The following RABGAP1L variants were observed in gnomAD, a reference collection of about 807,000 sequenced individuals.
The protein encoded by RABGAP1L is RAB GTPase activating protein 1 like, also known as rab GTPase-activating protein 1-like.
In RABGAP1L, 63 loss-of-function variants were observed where a neutral mutation model predicts 137.7. The ratio of observed to expected loss-of-function variants is 0.46; its 90% CI spans 0.37 to 0.56. The LOEUF (loss-of-function observed/expected upper bound fraction) is 0.56. Among genes scored for constraint, RABGAP1L ranks in the 20% least tolerant of loss-of-function variants. The pLI is 0.00. For missense variants in RABGAP1L, 1,095 were observed against 1,244.0 expected (o/e 0.88, Z 1.80); for synonymous variants, 431 against 433.7 (o/e 0.99, Z 0.08).
chr1:174,517,700 GT>G (rs1327847248), intron 13 of RABGAP1L, among the ~76,000 whole-genome samples: 1 of 152,120 alleles, frequency 6.6e-6, no homozygotes, highest in Non-Finnish European at 1.5e-5. Flanking sequence ...CAGTACATCT[GT>G]TTCTTTCACT....
chr1:174,510,188 A>G (rs1462601255), intron 13 of RABGAP1L, among the ~76,000 whole-genome samples: 2 of 152,138 alleles, frequency 1.3e-5, no homozygotes, highest in Admixed American at 1.3e-4. Context: ...CTCCTTTTGC[A>G]TATATGCCAT....
chr1:174,203,545 CCTTCAG>C (rs1452787169), intron 1 of RABGAP1L, among the ~76,000 whole-genome samples: 1 of 152,092 alleles, frequency 6.6e-6, no homozygotes, highest in Non-Finnish European at 1.5e-5. Flanking sequence ...TAACATGGTG[CCTTCAG>C]CTTTGTTATT....
At chr1:174,833,400 GTA>G (rs1291378197) in intron 19 of RABGAP1L, among the ~76,000 whole-genome samples, 1,165 of 43,248 alleles carry the variant, frequency 0.027, 28 homozygotes, top group African/African-American at 0.04. Context: ...GTGTGTGTGT[GTA>G]TGTGTGTATG....
intron 13 of RABGAP1L, chr1:174,449,324 T>C (rs915393806): frequency 7.7e-6 from 6 of 782,914 alleles, no homozygotes; most frequent in Admixed American, 2.9e-5. Flanking sequence ...AGTATGAGAC[T>C]AAAGGTTTCT....
At position 174,703,558 on chromosome 1, in the gene RABGAP1L, C is replaced by T. The variant is rs115797569; in HGVS notation, c.2169+1302C>T. 7.2e-3 allele frequency among the ~76,000 whole-genome samples: 1,091 copies of T among 152,230 alleles called. 11 individuals carry two copies. The highest frequency in any genetic ancestry group is 0.025 in the African/African-American group (1,039 of 41,532). ...GTGCTGCGATAAGCATATAAGTGCA[C>T]GAATCTTTTTTTATACACTGATTTC... On this transcript the variant is annotated intron_variant, in intron 17 of 25. Transcript: ENST00000681986.
At chr1:174,596,715 C>G (rs1241390480) in intron 13 of RABGAP1L, among the ~76,000 whole-genome samples, 2 of 152,034 alleles carry the variant, frequency 1.3e-5, no homozygotes, top group African/African-American at 2.4e-5. Context: ...ATTTCTTTAT[C>G]TTATCTGATT....
At chr1:174,635,088 A>G (rs963403782) in intron 13 of RABGAP1L, among the ~76,000 whole-genome samples, 3 of 151,910 alleles carry the variant, frequency 2.0e-5, no homozygotes, top group Admixed American at 6.5e-5. Context: ...AAAGAAAAAA[A>G]TTACTCAGTG....
chr1:174,840,773 G>A (rs1693297223), intron 19 of RABGAP1L, among the ~76,000 whole-genome samples: 1 of 149,000 alleles, frequency 6.7e-6, no homozygotes, highest in African/African-American at 2.5e-5. Context: ...CTGAGATTGA[G>A]CCATTGCATT....
At chr1:174,510,755 G>C (rs187250325) in intron 13 of RABGAP1L, among the ~76,000 whole-genome samples, 1 of 152,142 alleles carries the variant, frequency 6.6e-6, no homozygotes, top group East Asian at 1.9e-4. Flanking sequence ...GCTTTAAATG[G>C]AACAACAATA....
chr1:174,626,147 C>T (rs998911154), intron 13 of RABGAP1L, among the ~76,000 whole-genome samples: 2 of 152,172 alleles, frequency 1.3e-5, no homozygotes, highest in East Asian at 3.9e-4. Flanking sequence ...CAGTCAGCAA[C>T]CCTGAGAACG....
At chr1:174,721,827 C>CT (rs1003040415) in intron 17 of RABGAP1L, among the ~76,000 whole-genome samples, 1 of 152,176 alleles carries the variant, frequency 6.6e-6, no homozygotes, top group South Asian at 2.1e-4. Context: ...CTGTAAGTCT[C>CT]TTTTGAAAAT....
chr1:174,740,611 G>A (rs1683311254), intron 17 of RABGAP1L, among the ~76,000 whole-genome samples: 1 of 152,080 alleles, frequency 6.6e-6, no homozygotes, highest in Non-Finnish European at 1.5e-5. Context: ...TGGCATTGCT[G>A]GATCAAATGG....
At chr1:174,975,156 T>C (rs1670538904) in intron 21 of RABGAP1L, among the ~76,000 whole-genome samples, 1 of 152,224 alleles carries the variant, frequency 6.6e-6, no homozygotes, top group Admixed American at 6.5e-5. Flanking sequence ...TTGGGCTTGG[T>C]GCTTGGGATA....
chr1:174,227,647 T>C (rs2148493353), intron 3 of RABGAP1L, among the ~76,000 whole-genome samples: 1 of 152,326 alleles, frequency 6.6e-6, no homozygotes, highest in South Asian at 2.1e-4. Context: ...ATCTCCATTA[T>C]TGGCACATTA....
chr1:174,806,586 T>G (rs1268588677), intron 18 of RABGAP1L, among the ~76,000 whole-genome samples: 2 of 152,186 alleles, frequency 1.3e-5, no homozygotes, highest in African/African-American at 4.8e-5. Context: ...TCAGACTGGA[T>G]GACAGAGCAA....
At chr1:174,181,096 C>T (rs185623245) in intron 1 of RABGAP1L, among the ~76,000 whole-genome samples, 60 of 152,198 alleles carry the variant, frequency 3.9e-4, no homozygotes, top group African/African-American at 1.3e-3. Context: ...TTCTTTTTTG[C>T]TACAACTAAC....
chr1:174,257,456 T>C (rs1673226679), intron 7 of RABGAP1L, among the ~76,000 whole-genome samples: 1 of 152,220 alleles, frequency 6.6e-6, no homozygotes, highest in Non-Finnish European at 1.5e-5. Context: ...TGTTCTTTGC[T>C]AACTGGGTAG....
In RABGAP1L at chr1:174,620,064, G is replaced by A. The variant is rs549319150; in HGVS notation, c.1711-17311G>A. On this transcript the variant is annotated intron_variant, in intron 13 of 25. Transcript: ENST00000681986. The stretch of plus-strand genomic sequence containing the variant: ...AGAAGGCCATTACATAATGGTAAAG[G>A]GATCAATTCAACAAGAATAACTATC... Among the ~76,000 whole-genome samples the A allele has an allele frequency of 8.0e-4, 121 of 152,110 alleles. 1 individual carries two copies. The highest frequency in any genetic ancestry group is 2.8e-3 in the African/African-American group (115 of 41,518).
chr1:174,278,651 GTCA>G lies in RABGAP1L; in HGVS notation c.1196_1198del (p.Val399_Thr400delinsAla). 3 of 1,613,382 alleles carry G rather than the reference GTCA, an allele frequency of 1.9e-6. No individual in the cohort carries two copies. The highest frequency in any genetic ancestry group is 2.5e-6 in the Non-Finnish European group (3 of 1,179,678). On this transcript the variant is annotated inframe_deletion, in exon 10 of 26. Coordinates refer to ENST00000681986, the MANE Select transcript of RABGAP1L (RefSeq NM_001366446.1). ...CATGACTGTGGCAGTGGATATGGTA[GTCA>G]CAGAGGTGGTGGAGCCTGTTCGCTT...
Sources: gnomAD v4.1 joint callset for allele counts (sites outside exome capture counted in the v4.1 genomes callset) on GRCh38, gnomAD v4.1.1 for gene constraint, MANE v1.5 for transcripts, NCBI Gene and HGNC (gene_info 2026-07-23, HGNC 2026-07-21) for gene names.